WWOX: variants seen among roughly 807,000 people sequenced by gnomAD.
WWOX encodes the protein WW domain containing oxidoreductase, also known as WW domain-containing oxidoreductase.
A neutral mutation model predicts 46.2 loss-of-function variants in WWOX; 69 were observed. That is an observed-to-expected ratio of 1.49 (90% CI 1.23 to 1.82). WWOX has a LOEUF of 1.82. WWOX is among the 40% of genes most tolerant of loss of function. The probability of loss-of-function intolerance (pLI) is 0.00; values close to 1 mark genes in which losing one functional copy is unlikely to be tolerated. For synonymous variants in WWOX, 359 were observed against 202.6 expected (o/e 1.77, Z -6.56); for missense variants, 919 against 542.6 (o/e 1.69, Z -6.89).
chr16:78,351,642 G>A (rs1380284007), intron 5 of WWOX, among the ~76,000 whole-genome samples: 2 of 152,098 alleles, frequency 1.3e-5, no homozygotes, highest in East Asian at 1.9e-4. Context: ...TATCAGCCCT[G>A]CGTGGCTATG....
chr16:78,360,356 C>T (rs965403269), intron 5 of WWOX, among the ~76,000 whole-genome samples: 25 of 152,092 alleles, frequency 1.6e-4, no homozygotes, highest in Non-Finnish European at 1.3e-4. Context: ...GAGGCCGAAG[C>T]GGGCTGATCC....
intron 8 of WWOX, among the ~76,000 whole-genome samples, chr16:78,853,656 A>C (rs530511166): frequency 1.3e-5 from 2 of 152,082 alleles, no homozygotes; most frequent in African/African-American, 4.8e-5. Flanking sequence ...GGTGGAGAAG[A>C]GGGGCGGATA....
intron 8 of WWOX, among the ~76,000 whole-genome samples, chr16:78,688,313 T>A (rs1015270468): frequency 3.3e-5 from 5 of 151,738 alleles, no homozygotes; most frequent in African/African-American, 1.2e-4. Flanking sequence ...AATAGGAAAA[T>A]TTTCTGAGAG....
At chr16:78,207,772 A>G (rs1274423483) in intron 5 of WWOX, among the ~76,000 whole-genome samples, 3 of 151,922 alleles carry the variant, frequency 2.0e-5, no homozygotes, top group African/African-American at 7.2e-5. Flanking sequence ...AAAAAAAAAA[A>G]AAAAAAAGGG....
intron 8 of WWOX, among the ~76,000 whole-genome samples, chr16:78,776,824 T>C (rs1039538366): frequency 6.6e-6 from 1 of 151,962 alleles, no homozygotes; most frequent in African/African-American, 2.4e-5. Flanking sequence ...CCACCACATA[T>C]AAAACCATCA....
chr16:78,614,643 C>G (rs372307222), intron 8 of WWOX, among the ~76,000 whole-genome samples: 3 of 152,200 alleles, frequency 2.0e-5, no homozygotes, highest in African/African-American at 7.2e-5. Flanking sequence ...GAGGGACCAC[C>G]CCCTCCACCT....
intron 8 of WWOX, among the ~76,000 whole-genome samples, chr16:78,905,356 C>G (rs973859883): frequency 6.6e-6 from 1 of 152,168 alleles, no homozygotes; most frequent in Non-Finnish European, 1.5e-5. Flanking sequence ...AATCAAGTGA[C>G]TGTTGATGGA....
chr16:79,134,147 GA>G (rs1321557507), intron 8 of WWOX, among the ~76,000 whole-genome samples: 1 of 151,276 alleles, frequency 6.6e-6, no homozygotes, highest in Non-Finnish European at 1.5e-5. Flanking sequence ...ATTCTCAGTG[GA>G]GGGAATAATT....
At chr16:78,751,214 G>C (rs977116756) in intron 8 of WWOX, among the ~76,000 whole-genome samples, 2 of 151,826 alleles carry the variant, frequency 1.3e-5, no homozygotes, top group East Asian at 3.9e-4. Flanking sequence ...TTTGTGTTTC[G>C]AACTACATAT....
chr16:78,376,220 T>G (rs937506652), intron 5 of WWOX, among the ~76,000 whole-genome samples: 60 of 152,104 alleles, frequency 3.9e-4, no homozygotes, highest in African/African-American at 1.4e-3. Context: ...AATTTCTGTT[T>G]TTACTGATAA....
intron 5 of WWOX, among the ~76,000 whole-genome samples, chr16:78,275,897 T>A (rs2079567581): frequency 6.6e-6 from 1 of 151,996 alleles, no homozygotes; most frequent in Non-Finnish European, 1.5e-5. Flanking sequence ...CAGCCTCTTG[T>A]CGAGGAGTGC....
At chr16:78,151,523 T>G (rs1053160807) in intron 4 of WWOX, among the ~76,000 whole-genome samples, 2 of 152,226 alleles carry the variant, frequency 1.3e-5, no homozygotes, top group African/African-American at 4.8e-5. Context: ...AGTAACACTC[T>G]GAAGTGCTCC....
chr16:79,157,212 G>C (rs765495278), intron 8 of WWOX, among the ~76,000 whole-genome samples: 5 of 152,178 alleles, frequency 3.3e-5, no homozygotes, highest in Non-Finnish European at 5.9e-5. Flanking sequence ...GGCTGGATGA[G>C]CCAAAAAGAC....
chr16:78,819,614 T>G (rs1261113557), intron 8 of WWOX, among the ~76,000 whole-genome samples: 1 of 139,252 alleles, frequency 7.2e-6, no homozygotes, highest in East Asian at 1.9e-4. Context: ...GAGCAGCACC[T>G]CTGCTCCTGT....
At chr16:78,376,864 C>G (rs571894032) in intron 5 of WWOX, among the ~76,000 whole-genome samples, 71 of 152,336 alleles carry the variant, frequency 4.7e-4, no homozygotes, top group African/African-American at 1.7e-3. Flanking sequence ...CATCTCCCTC[C>G]ATTTGAGGAT....
At chr16:78,117,381 C>T (rs928986223) in intron 4 of WWOX, among the ~76,000 whole-genome samples, 10 of 152,072 alleles carry the variant, frequency 6.6e-5, no homozygotes, top group Non-Finnish European at 8.8e-5. Flanking sequence ...CACCTCACCC[C>T]ATTCCCCTCC....
intron 8 of WWOX, among the ~76,000 whole-genome samples, chr16:79,022,703 G>T (rs1388660200): frequency 6.6e-6 from 1 of 152,162 alleles, no homozygotes; most frequent in Non-Finnish European, 1.5e-5. Context: ...AGGGGCTGGA[G>T]CCCAAGAGGG....
chr16:78,778,830 G>T (rs141005620), intron 8 of WWOX, among the ~76,000 whole-genome samples: 17 of 152,280 alleles, frequency 1.1e-4, no homozygotes, highest in African/African-American at 3.9e-4. Flanking sequence ...TCGCCAGCTC[G>T]TAAAGCCCCG....
At chr16:79,007,387 C>T (rs2047211524) in intron 8 of WWOX, among the ~76,000 whole-genome samples, 1 of 152,168 alleles carries the variant, frequency 6.6e-6, no homozygotes, top group East Asian at 1.9e-4. Context: ...GAATGGCAAA[C>T]ACAGTGGCCC....
Sources: gnomAD v4.1 joint callset for allele counts (sites outside exome capture counted in the v4.1 genomes callset) on GRCh38, gnomAD v4.1.1 for gene constraint, MANE v1.5 for transcripts, NCBI Gene and HGNC (gene_info 2026-07-23, HGNC 2026-07-21) for gene names.